Variants in GABRA6 observed in about 807,000 individuals in gnomAD.
The protein encoded by GABRA6 is gamma-aminobutyric acid type A receptor subunit alpha6, also known as gamma-aminobutyric acid receptor subunit alpha-6.
GABRA6 carries 45 observed loss-of-function variants against 47.3 expected under a neutral mutation model. That is an observed-to-expected ratio of 0.95 (90% CI 0.75 to 1.22). GABRA6 has a LOEUF of 1.22. GABRA6 is among the 50% of genes most tolerant of loss of function. The pLI is 0.00. For missense variants in GABRA6, 583 were observed against 549.3 expected, an observed-to-expected ratio of 1.06 and a Z score of -0.61; for synonymous variants, 219 against 194.7, an observed-to-expected ratio of 1.12 and a Z score of -1.04.
At chr5:161,700,831 G>A (rs943331399) in intron 8 of GABRA6, among the ~76,000 whole-genome samples, 3 of 152,144 alleles carry the variant, frequency 2.0e-5, no homozygotes, top group African/African-American at 7.2e-5. Flanking sequence ...AGTAAGGAGT[G>A]TACAATATAG....
chr5:161,691,188 T>A lies in GABRA6; in HGVS notation c.827-753T>A, dbSNP rs180907803. Among the ~76,000 whole-genome samples, 62 of 152,020 alleles carry A rather than the reference T, an allele frequency of 4.1e-4. 1 individual carries two copies. In the East Asian group the frequency reaches 0.011, roughly 27 times the overall value. ...TAGAAACACAAATTAGGTAACCTAA[T>A]TTTATGCTAATATTTATACCATATT... On this transcript the variant is annotated intron_variant, in intron 7 of 8. Coordinates refer to ENST00000274545, the MANE Select transcript of GABRA6 (RefSeq NM_000811.3).
intron 3 of GABRA6, chr5:161,687,212 C>T: frequency 1.7e-6 from 1 of 598,052 alleles, no homozygotes. Flanking sequence ...AGCTGAGGGA[C>T]TTTTTAAAAT....
At chr5:161,700,596 G>C (rs191168179) in intron 8 of GABRA6, among the ~76,000 whole-genome samples, 140 of 152,308 alleles carry the variant, frequency 9.2e-4, no homozygotes, top group Middle Eastern at 6.8e-3. Context: ...TTTATTGCTA[G>C]CCCTGCCATC....
chr5:161,686,182 C>A (rs772922854), intron 1 of GABRA6, 48 bp from the exon 2 acceptor site: 12 of 1,474,772 alleles, frequency 8.1e-6, no homozygotes, highest in Non-Finnish European at 1.0e-5. Context: ...TTAGACAAAA[C>A]CTCTTCTCTG....
intron 3 of GABRA6, 79 bp from the exon 4 acceptor site, chr5:161,688,870 T>G: frequency 8.3e-7 from 1 of 1,203,932 alleles, no homozygotes; most frequent in Non-Finnish European, 1.2e-6. Context: ...AGTTTTGAGA[T>G]TGGGTGTATA....
intron 2 of GABRA6, among the ~76,000 whole-genome samples, chr5:161,686,652 C>T (rs192160501): frequency 2.0e-5 from 3 of 152,220 alleles, no homozygotes; most frequent in African/African-American, 4.8e-5. Context: ...TAGCACTTTC[C>T]CATTAAAGCC....
At chr5:161,691,286 T>C (rs1314379147) in intron 7 of GABRA6, among the ~76,000 whole-genome samples, 5 of 138,458 alleles carry the variant, frequency 3.6e-5, no homozygotes, top group Admixed American at 3.2e-4. Context: ...TCTTTTTCTT[T>C]CCTTTTTTTT....
chr5:161,691,859 T>G, intron 7 of GABRA6, 82 bp from the exon 8 acceptor site: 1 of 1,300,066 alleles, frequency 7.7e-7, no homozygotes, highest in Admixed American at 1.7e-5. Context: ...GTTTTTTGTC[T>G]TCTCCTCTGA....
intron 8 of GABRA6, among the ~76,000 whole-genome samples, chr5:161,694,993 C>T (rs6879618): frequency 0.25 from 38,430 of 152,000 alleles, 5,031 homozygotes; most frequent in Middle Eastern, 0.3. Flanking sequence ...AATACCATGA[C>T]ATTTAAAAAT....
Position 161,702,110 on chromosome 5 carries a change from A to G in GABRA6, c.*337A>G, listed in dbSNP as rs74711217. ...AAATAACATTTACCACAAGGCAGAT[A>G]AAATAAGAAATGCTGACACTTCCAA... On this transcript the variant is annotated 3_prime_UTR_variant, in exon 9 of 9. Coordinates refer to ENST00000274545, the MANE Select transcript of GABRA6 (RefSeq NM_000811.3). The G allele has an allele frequency of 2.9e-3, 791 of 276,584 alleles. 11 individuals carry two copies. The highest frequency in any genetic ancestry group is 0.016 in the African/African-American group (737 of 45,668). The allele number at this position is 276,584 out of a possible 1,614,324, so 17.1% of individuals were successfully genotyped here. A position where few individuals can be genotyped will look rare whatever the true frequency, so the allele number is the denominator to read the frequency against.
chr5:161,689,877 C>A, intron 6 of GABRA6, 98 bp downstream of exon 6: 1 of 1,296,472 alleles, frequency 7.7e-7, no homozygotes, highest in Non-Finnish European at 1.1e-6. Flanking sequence ...TAGCCATTCT[C>A]AGCTAAGCAT....
intron 7 of GABRA6, among the ~76,000 whole-genome samples, chr5:161,691,288 CTTTTTTTTTT>C (rs1160422481): frequency 2.4e-5 from 2 of 84,710 alleles, no homozygotes; most frequent in South Asian, 5.4e-4. Flanking sequence ...TTTTTCTTTC[CTTTTTTTTTT>C]TTTTTTTTTT....
chr5:161,687,581 T>C (rs1754723878), intron 3 of GABRA6: 2 of 453,434 alleles, frequency 4.4e-6, no homozygotes, highest in African/African-American at 2.0e-5. Context: ...AATGAAAACT[T>C]GAACTCATCT....
rs1178695192 is a variant in GABRA6 at position 161,701,896 on chromosome 5, T to C, written c.*123T>C. 9.2e-6 allele frequency: 10 copies of C among 1,082,096 alleles called. No individual in the cohort carries two copies. The highest frequency in any genetic ancestry group is 3.7e-5 in the Admixed American group (2 of 54,470). The allele number at this position is 1,082,096 out of a possible 1,614,324, so 67.0% of individuals were successfully genotyped here. The stretch of plus-strand genomic sequence containing the variant: ...AACATGAAATCAAATTGGAAATCTG[T>C]AACGCAGCTTCCGTAAGCATGTGTG... On this transcript the variant is annotated 3_prime_UTR_variant, in exon 9 of 9. Transcript: ENST00000274545.
chr5:161,689,856 T>A, intron 6 of GABRA6, 77 bp downstream of exon 6: 1 of 1,440,426 alleles, frequency 6.9e-7, no homozygotes, highest in Non-Finnish European at 9.7e-7. Context: ...CTATTTCTTT[T>A]TCCTTCGCCT....
chr5:161,697,709 C>A (rs971409426), intron 8 of GABRA6, among the ~76,000 whole-genome samples: 1 of 152,042 alleles, frequency 6.6e-6, no homozygotes. Flanking sequence ...AGTGATTGGC[C>A]CCAAAAGATC....
rs1754718672 is a variant in GABRA6 at position 161,687,319 on chromosome 5, G to C, written c.225+316G>C. The C allele has an allele frequency of 7.5e-6, 3 of 401,816 alleles. No homozygotes were observed. In the Admixed American group the frequency reaches 1.1e-4, roughly 14 times the overall value. 24.9% of individuals were successfully genotyped at this position (401,816 alleles called of 1,614,324 possible). On this transcript the variant is annotated intron_variant, in intron 3 of 8. Coordinates refer to ENST00000274545, the MANE Select transcript of GABRA6 (RefSeq NM_000811.3). ...TTGTGAAGCTCCAGCAAATTTATTG[G>C]AGGAAGAAAAAAAACACACAGATCT...
chr5:161,692,090 TACTTTACC>T lies in GABRA6; in HGVS notation c.978_985del (p.Tyr326Ter). On this transcript the variant is annotated frameshift_variant, in exon 8 of 9. Transcript: ENST00000274545. LOFTEE classifies it high-confidence loss of function. ...GCTTATCGAGTTCGCAGCTGTCAAC[TACTTTACC>T]AATCTTCAGACACAGAAGGCCAAAA... The T allele has an allele frequency of 6.2e-7, 1 of 1,614,190 alleles. No individual in the cohort carries two copies. The highest frequency in any genetic ancestry group is 8.5e-7 in the Non-Finnish European group (1 of 1,180,004).
At position 161,698,602 on chromosome 5, in the gene GABRA6, A is replaced by T. The variant is rs193080092; in HGVS notation, c.1087-2896A>T. 7.5e-4 allele frequency among the ~76,000 whole-genome samples: 114 copies of T among 152,178 alleles called. No homozygotes were observed. In the Middle Eastern group the frequency reaches 0.01, roughly 14 times the overall value. ...TCTTTAAATCATGCCTTTTTCTTAA[A>T]TTCTTAAAAACATAGGAAAAAAGTT... On this transcript the variant is annotated intron_variant, in intron 8 of 8. Transcript: ENST00000274545.
Sources: allele counts gnomAD v4.1 joint callset (sites outside exome capture counted in the v4.1 genomes callset), GRCh38; gene constraint gnomAD v4.1.1; transcripts MANE v1.5; gene names NCBI Gene and HGNC (gene_info 2026-07-23, HGNC 2026-07-21).